Variants in ADGRL3 observed in about 807,000 individuals in gnomAD.
The protein encoded by ADGRL3 is calcium-independent alpha-latrotoxin receptor 3.
Under a neutral mutation model 153.5 loss-of-function variants are expected in ADGRL3, and 62 were observed. That is an observed-to-expected ratio of 0.40 (90% CI 0.33 to 0.50). The LOEUF is 0.50. ADGRL3 is among the 20% of genes least tolerant of loss of function. The pLI is 0.47. For synonymous variants in ADGRL3, 710 were observed against 672.5 expected (o/e 1.06, Z -0.86); for missense variants, 1,641 against 1,859.4 (o/e 0.88, Z 2.16).
chr4:61,729,826 AT>A (rs760953487), intron 6 of ADGRL3, among the ~76,000 whole-genome samples: 5 of 152,030 alleles, frequency 3.3e-5, no homozygotes, highest in Admixed American at 1.3e-4. Flanking sequence ...ATGGAATTTA[AT>A]TTGAAATGTA....
chr4:61,771,041 G>A (rs937076810), intron 8 of ADGRL3, among the ~76,000 whole-genome samples: 1 of 152,098 alleles, frequency 6.6e-6, no homozygotes, highest in Non-Finnish European at 1.5e-5. Context: ...AAACAAAAAG[G>A]GGTCCTGAAA....
intron 1 of ADGRL3, among the ~76,000 whole-genome samples, chr4:61,350,607 A>G (rs1296400008): frequency 6.6e-6 from 1 of 152,108 alleles, no homozygotes; most frequent in Admixed American, 6.6e-5. Context: ...TGGCATATAC[A>G]CACTTTATGT....
intron 4 of ADGRL3, among the ~76,000 whole-genome samples, chr4:61,555,469 A>T: frequency 6.6e-6 from 1 of 152,150 alleles, no homozygotes; most frequent in East Asian, 1.9e-4. Context: ...TGTTTCAGTA[A>T]ATATTAAATG....
chr4:61,929,742 G>A (rs2098809593), intron 13 of ADGRL3, among the ~76,000 whole-genome samples: 1 of 152,158 alleles, frequency 6.6e-6, no homozygotes, highest in Non-Finnish European at 1.5e-5. Context: ...AATGACGTAT[G>A]ACACAAAGAA....
chr4:61,709,239 C>G (rs1437852655), intron 6 of ADGRL3, among the ~76,000 whole-genome samples: 2 of 152,150 alleles, frequency 1.3e-5, no homozygotes, highest in African/African-American at 4.8e-5. Context: ...ATTATTTTAG[C>G]TAATTTTATT....
intron 21 of ADGRL3, among the ~76,000 whole-genome samples, chr4:62,016,081 G>T (rs535047374): frequency 6.7e-6 from 1 of 148,576 alleles, no homozygotes; most frequent in African/African-American, 2.5e-5. Context: ...ATGGAGTCTC[G>T]CTCTGTCACC....
intron 1 of ADGRL3, among the ~76,000 whole-genome samples, chr4:61,296,150 T>C (rs1414612759): frequency 6.6e-6 from 1 of 152,208 alleles, no homozygotes; most frequent in Non-Finnish European, 1.5e-5. Flanking sequence ...AAATAGACAC[T>C]AATTTTTTGG....
At chr4:61,232,599 G>A (rs185017725) in intron 1 of ADGRL3, among the ~76,000 whole-genome samples, 78 of 152,008 alleles carry the variant, frequency 5.1e-4, no homozygotes, top group Admixed American at 1.9e-3. Context: ...GTGAGCCACC[G>A]TGCCCAGCCC....
intron 1 of ADGRL3, among the ~76,000 whole-genome samples, chr4:61,342,317 A>G (rs959429295): frequency 1.3e-5 from 2 of 152,130 alleles, no homozygotes; most frequent in African/African-American, 4.8e-5. Context: ...GTGAACAGTT[A>G]TTTACTTTAT....
chr4:61,807,710 A>G (rs984324038), intron 8 of ADGRL3, among the ~76,000 whole-genome samples: 1 of 152,122 alleles, frequency 6.6e-6, no homozygotes, highest in Non-Finnish European at 1.5e-5. Flanking sequence ...AGGTATCATA[A>G]TGGTATAAAG....
At chr4:61,907,144 G>T (rs755509204) in intron 11 of ADGRL3, among the ~76,000 whole-genome samples, 13 of 152,132 alleles carry the variant, frequency 8.5e-5, no homozygotes, top group Non-Finnish European at 4.4e-5. Flanking sequence ...GGGTGAGTCC[G>T]CAGTGCAAAG....
At position 61,850,595 on chromosome 4, in the gene ADGRL3, A is replaced by G. The variant is rs565664311; in HGVS notation, c.1480+36706A>G. Among the ~76,000 whole-genome samples, 92 of 152,298 alleles carry G rather than the reference A, an allele frequency of 6.0e-4. 1 individual carries two copies. Among genetic ancestry groups the G allele is most frequent in the Admixed American group, 3.3e-4 (5 of 15,294 alleles). ...ACAATGGAGGAAAATGGTATTGTTTATGACATATAAAACGACAGCATAAAA... is the reference window on the plus strand; with the variant it reads ...ACAATGGAGGAAAATGGTATTGTTTGTGACATATAAAACGACAGCATAAAA... On this transcript the variant is annotated intron_variant, in intron 9 of 26. Transcript: ENST00000683033.
intron 5 of ADGRL3, among the ~76,000 whole-genome samples, chr4:61,648,351 T>TC (rs1479089871): frequency 4.1e-5 from 6 of 145,976 alleles, no homozygotes; most frequent in Middle Eastern, 3.6e-3. Flanking sequence ...GAAATCGGCT[T>TC]TTTTTTTTTT....
chr4:61,649,547 T>A (rs1284951039), intron 5 of ADGRL3, among the ~76,000 whole-genome samples: 1 of 152,084 alleles, frequency 6.6e-6, no homozygotes, highest in East Asian at 1.9e-4. Flanking sequence ...TGTAGAAGAG[T>A]TTAGCCTTTT....
At chr4:61,405,062 G>A (rs2096977010) in intron 2 of ADGRL3, among the ~76,000 whole-genome samples, 1 of 152,004 alleles carries the variant, frequency 6.6e-6, no homozygotes, top group African/African-American at 2.4e-5. Flanking sequence ...CTTGATCTCA[G>A]AAAGCCTTCA....
chr4:61,472,797 GA>G (rs2097978607), intron 2 of ADGRL3, among the ~76,000 whole-genome samples: 1 of 152,008 alleles, frequency 6.6e-6, no homozygotes, highest in Non-Finnish European at 1.5e-5. Context: ...ATAACTCCAT[GA>G]TTAACTCAAG....
intron 1 of ADGRL3, among the ~76,000 whole-genome samples, chr4:61,210,170 T>A (rs1237688777): frequency 6.6e-6 from 1 of 152,126 alleles, no homozygotes; most frequent in Non-Finnish European, 1.5e-5. Flanking sequence ...AAGGATATGA[T>A]ATAGTAGGTG....
intron 8 of ADGRL3, among the ~76,000 whole-genome samples, chr4:61,787,395 CAG>C (rs2097290065): frequency 6.6e-6 from 1 of 151,598 alleles, no homozygotes; most frequent in Non-Finnish European, 1.5e-5. Flanking sequence ...ACATATATGA[CAG>C]TGATTTGGGA....
At chr4:61,758,101 A>T (rs192430265) in intron 8 of ADGRL3, among the ~76,000 whole-genome samples, 15 of 152,252 alleles carry the variant, frequency 9.9e-5, no homozygotes, top group Admixed American at 7.8e-4. Context: ...TATTCTATTG[A>T]TTTGGGATGG....
Sources: gnomAD v4.1 joint callset for allele counts (sites outside exome capture counted in the v4.1 genomes callset) on GRCh38, gnomAD v4.1.1 for gene constraint, MANE v1.5 for transcripts, NCBI Gene and HGNC (gene_info 2026-07-23, HGNC 2026-07-21) for gene names.